CROCC2: variants seen among roughly 807,000 people sequenced by gnomAD.
CROCC2 encodes the protein ciliary rootlet coiled-coil protein 2.
A neutral mutation model predicts 177.6 loss-of-function variants in CROCC2; 163 were observed. The ratio of observed to expected loss-of-function variants is 0.92; its 90% CI spans 0.81 to 1.05. CROCC2 has a LOEUF of 1.05. Ranked by LOEUF, CROCC2 falls within the 50% of genes least tolerant of loss-of-function variation. CROCC2 has a pLI of 0.00. For missense variants in CROCC2, 1,929 were observed against 1,797.8 expected, an observed-to-expected ratio of 1.07 and a Z score of -1.32; for synonymous variants, 904 against 787.3, an observed-to-expected ratio of 1.15 and a Z score of -2.48.
intron 31 of CROCC2, 22 bp downstream of exon 31, chr2:240,991,300 C>T (rs1160317838): frequency 1.3e-6 from 2 of 1,539,770 alleles, no homozygotes; most frequent in South Asian, 2.4e-5. Flanking sequence ...TGCATACCAC[C>T]CAGCAGCCTA....
Position 240,946,114 on chromosome 2 carries a change from C to T in CROCC2, c.2224C>T (p.Gln742Ter). 5.2e-6 allele frequency: 8 copies of T among 1,541,136 alleles called. No individual in the cohort carries two copies. The highest frequency in any genetic ancestry group is 2.5e-5 in the East Asian group (1 of 40,606). ...EEQLAQSLQD[Q>*]EAQMGTLQQA... Reference sequence around the variant, plus strand: ...GCAGCTGGCTCAGAGCCTGCAGGACCAGGAGGCCCAGATGGGCACTCTGCA... The same window carrying T: ...GCAGCTGGCTCAGAGCCTGCAGGACTAGGAGGCCCAGATGGGCACTCTGCA... The change falls in exon 15 of 32, where the codon CAG becomes TAG. Residue 742 changes from glutamine (Q) to a stop codon, truncating the protein, a stop_gained. Coordinates refer to ENST00000690015, the MANE Select transcript of CROCC2 (RefSeq NM_001351305.2). LOFTEE classifies it high-confidence loss of function.
intron 29 of CROCC2, 93 bp downstream of exon 29, chr2:240,988,963 G>T (rs934566373): frequency 1.6e-6 from 2 of 1,267,650 alleles, no homozygotes; most frequent in African/African-American, 1.5e-5. Context: ...GGGGTGGCTG[G>T]TGTACCTCCA....
rs1382851186 is a variant in CROCC2, at chr2:240,965,678, G to A, written c.3646G>A (p.Gly1216Arg). 1.3e-6 allele frequency: 2 copies of A among 1,550,372 alleles called. No homozygotes were observed. The highest frequency in any genetic ancestry group is 1.4e-5 in the African/African-American group (1 of 73,052). Residue 1216 changes from glycine to arginine, a missense_variant, in exon 24 of 32, where the codon GGG (glycine) becomes AGG (arginine). Gly to Arg is a moderately radical substitution (Grantham distance 125). Transcript: ENST00000690015. The part of the protein sequence containing the change: ...QRKLAEVEAA[G>R]EAHGQRLQEH... ...GAAGTTGGCAGAGGTGGAGGCCGCA[G>A]GGGAGGCCCATGGACAGCGGCTCCA...
chr2:240,962,078 ACT>A (rs140460371), intron 20 of CROCC2, among the ~76,000 whole-genome samples: 55,439 of 141,706 alleles, frequency 0.39, 10,879 homozygotes, highest in East Asian at 0.49. Context: ...ACGCACTCAC[ACT>A]CACACACACA....
intron 12 of CROCC2, 115 bp downstream of exon 12, chr2:240,934,590 C>G: frequency 8.9e-7 from 1 of 1,117,334 alleles, no homozygotes; most frequent in Non-Finnish European, 1.3e-6. Flanking sequence ...CTCAGCCCAT[C>G]ACCAGAGATC....
intron 14 of CROCC2, 48 bp downstream of exon 14, chr2:240,935,636 G>T (rs1209747924): frequency 7.5e-7 from 1 of 1,338,166 alleles, no homozygotes; most frequent in Non-Finnish European, 9.7e-7. Flanking sequence ...ATGCGGCTGG[G>T]TGGCAGGTCT....
intron 27 of CROCC2, among the ~76,000 whole-genome samples, chr2:240,975,615 C>A (rs911749205): frequency 2.6e-5 from 4 of 152,104 alleles, no homozygotes; most frequent in African/African-American, 9.7e-5. Context: ...CCTTCTGCTC[C>A]TGTTCAGATA....
intron 28 of CROCC2, among the ~76,000 whole-genome samples, chr2:240,985,482 A>T (rs1369880058): frequency 1.1e-4 from 2 of 18,012 alleles, no homozygotes; most frequent in Non-Finnish European, 8.4e-5. Flanking sequence ...ACACCCAGGC[A>T]CTCACTCCAC....
At chr2:240,911,122 C>T (rs2059285575) in intron 1 of CROCC2, among the ~76,000 whole-genome samples, 1 of 151,824 alleles carries the variant, frequency 6.6e-6, no homozygotes, top group Non-Finnish European at 1.5e-5. Flanking sequence ...CAGAGCGAGA[C>T]CCTGTCTCAA....
chr2:240,988,665 C>G, intron 28 of CROCC2, 74 bp from the exon 29 acceptor site: 3 of 1,279,392 alleles, frequency 2.3e-6, no homozygotes, highest in South Asian at 5.7e-5. Flanking sequence ...CAACCCTGTG[C>G]TCCCAGAGGA....
intron 14 of CROCC2, among the ~76,000 whole-genome samples, chr2:240,941,524 C>T (rs1559598624): frequency 6.6e-6 from 1 of 152,076 alleles, no homozygotes; most frequent in Non-Finnish European, 1.5e-5. Flanking sequence ...GAAATAAACC[C>T]AAATACTTAC....
intron 26 of CROCC2, 102 bp downstream of exon 26, chr2:240,967,567 A>C (rs2059691657): frequency 1.3e-6 from 2 of 1,504,446 alleles, no homozygotes; most frequent in Admixed American, 4.1e-5. Flanking sequence ...TCCCTGGGGC[A>C]GCTCGGTGGG....
chr2:240,929,646 C>A (rs1444657293), intron 5 of CROCC2: 1 of 455,548 alleles, frequency 2.2e-6, no homozygotes, highest in East Asian at 6.9e-5. Flanking sequence ...GTGTCCCTGG[C>A]ACCTTCGAAG....
chr2:240,934,892 C>G (rs2059457631), intron 12 of CROCC2, 24 bp from the exon 13 acceptor site: 15 of 1,475,786 alleles, frequency 1.0e-5, no homozygotes, highest in African/African-American at 1.4e-5. Context: ...AGGTCCCTCC[C>G]TGGCATCCCC....
At chr2:240,936,392 G>A (rs1047550171) in intron 14 of CROCC2, among the ~76,000 whole-genome samples, 5 of 152,208 alleles carry the variant, frequency 3.3e-5, no homozygotes, top group South Asian at 4.2e-4. Flanking sequence ...GCAGCACCAC[G>A]GACTGGATGC....
At chr2:240,988,374 G>A (rs1294563706) in intron 28 of CROCC2, among the ~76,000 whole-genome samples, 2 of 152,218 alleles carry the variant, frequency 1.3e-5, no homozygotes, top group African/African-American at 2.4e-5. Context: ...AGAGTGCAGG[G>A]GATCATGGCT....
At chr2:240,955,192 G>C (rs574295776) in intron 18 of CROCC2, 1 of 151,994 alleles carries the variant, frequency 6.6e-6, no homozygotes, top group Non-Finnish European at 1.5e-5. Flanking sequence ...TTCCTTCCAC[G>C]GGCATCTGGG....
Position 240,958,055 on chromosome 2 carries a change from G to A in CROCC2, c.2944-1246G>A, listed in dbSNP as rs1384196337. ...TCGGTACCAGGCCTGCCAGCCAGCC[G>A]GCCTTCCTGGGGAGCTCGTTAAGGG... On this transcript the variant is annotated intron_variant, in intron 19 of 31. Transcript: ENST00000690015. This position sits in a 1 kb window ranked among gnomAD's most constrained non-coding sequence, Gnocchi z 6.7. 6 of 985,284 alleles carry A rather than the reference G, an allele frequency of 6.1e-6. No individual in the cohort carries two copies. Among genetic ancestry groups the A allele is most frequent in the Non-Finnish European group, 3.6e-6 (3 of 829,936 alleles). The allele number at this position is 985,284 out of a possible 1,614,324, so 61.0% of individuals were successfully genotyped here. A position where few individuals can be genotyped will look rare whatever the true frequency, so the allele number is the denominator to read the frequency against.
chr2:240,939,227 T>C (rs934301392), intron 14 of CROCC2, among the ~76,000 whole-genome samples: 1 of 152,190 alleles, frequency 6.6e-6, no homozygotes, highest in Admixed American at 6.5e-5. Flanking sequence ...GGTACTGGGT[T>C]CTGCTAAATT....
Sources: allele counts gnomAD v4.1 joint callset (sites outside exome capture counted in the v4.1 genomes callset), GRCh38; gene constraint gnomAD v4.1.1; non-coding constraint Gnocchi (gnomAD v3.1); transcripts MANE v1.5; gene names NCBI Gene and HGNC (gene_info 2026-07-23, HGNC 2026-07-21).